Variants in FHIT observed in about 807,000 individuals in gnomAD.
The protein encoded by FHIT is bis(5'-adenosyl)-triphosphatase.
A neutral mutation model predicts 17.9 loss-of-function variants in FHIT; 19 were observed. The ratio of observed to expected loss-of-function variants is 1.06; its 90% confidence interval spans 0.74 to 1.56. FHIT has a LOEUF of 1.56. FHIT is among the 40% of genes most tolerant of loss of function. The probability of loss-of-function intolerance (pLI) is 0.00; values close to 1 mark genes in which losing one functional copy is unlikely to be tolerated. For missense variants in FHIT, 248 were observed against 189.2 expected (o/e 1.31, Z -1.82); for synonymous variants, 81 against 69.7 (o/e 1.16, Z -0.81).
intron 4 of FHIT, chr3:60,765,483 A>G (rs1699818802): frequency 6.6e-6 from 1 of 152,196 alleles, no homozygotes; most frequent in South Asian, 2.1e-4. Flanking sequence ...GGGTAAGGTT[A>G]GGGGGAAAGC....
chr3:60,765,621 G>C (rs1176309093), intron 4 of FHIT: 4 of 152,190 alleles, frequency 2.6e-5, no homozygotes, highest in Admixed American at 6.5e-5. Flanking sequence ...GGTTTACTTG[G>C]TGTGATGCTT....
intron 2 of FHIT, among the ~76,000 whole-genome samples, chr3:61,188,217 C>A (rs1378634888): frequency 6.6e-6 from 1 of 152,024 alleles, no homozygotes; most frequent in African/African-American, 2.4e-5. Context: ...AGAGAAGAAT[C>A]AAATAGATGC....
intron 1 of FHIT, among the ~76,000 whole-genome samples, chr3:61,247,854 C>T (rs1297879238): frequency 6.6e-6 from 1 of 152,176 alleles, no homozygotes; most frequent in East Asian, 1.9e-4. Flanking sequence ...AACACACTTT[C>T]TTCTTCATCA....
intron 8 of FHIT, among the ~76,000 whole-genome samples, chr3:59,797,845 A>G (rs765975380): frequency 6.6e-6 from 1 of 152,246 alleles, no homozygotes; most frequent in Non-Finnish European, 1.5e-5. Flanking sequence ...TAGCTTAAAT[A>G]GACATTTTTA....
intron 8 of FHIT, among the ~76,000 whole-genome samples, chr3:59,895,221 G>C (rs1704018408): frequency 1.3e-5 from 2 of 152,210 alleles, no homozygotes; most frequent in South Asian, 4.1e-4. Context: ...TCCTGGATTA[G>C]CACGGAACAC....
chr3:60,390,419 A>T (rs58609301), intron 5 of FHIT, among the ~76,000 whole-genome samples: 1 of 115,636 alleles, frequency 8.6e-6, no homozygotes, highest in Non-Finnish European at 1.8e-5. Flanking sequence ...AAAAAAAAAA[A>T]AAAAAAAAAC....
chr3:61,241,092 T>C (rs6763941), intron 1 of FHIT, among the ~76,000 whole-genome samples: 36,039 of 151,848 alleles, frequency 0.24, 6,373 homozygotes, highest in African/African-American at 0.5. Context: ...AAACAAAATA[T>C]TCCCCTCTCT....
intron 3 of FHIT, among the ~76,000 whole-genome samples, chr3:60,959,937 TACA>T (rs537445609): frequency 2.8e-4 from 42 of 151,972 alleles, no homozygotes; most frequent in African/African-American, 8.9e-4. Flanking sequence ...CTTTTGCAAT[TACA>T]ACAACAACAA....
chr3:60,716,821 A>G (rs1228207281), intron 4 of FHIT, among the ~76,000 whole-genome samples: 5 of 152,222 alleles, frequency 3.3e-5, no homozygotes, highest in Admixed American at 3.3e-4. Flanking sequence ...CTATGATATT[A>G]GCACACTACA....
At chr3:61,187,452 A>G (rs999870540) in intron 2 of FHIT, among the ~76,000 whole-genome samples, 1 of 152,196 alleles carries the variant, frequency 6.6e-6, no homozygotes, top group African/African-American at 2.4e-5. Flanking sequence ...AGACCTATAA[A>G]GAGATTTAGA....
chr3:60,382,107 A>G (rs1349977027), intron 5 of FHIT, among the ~76,000 whole-genome samples: 5 of 152,150 alleles, frequency 3.3e-5, no homozygotes, highest in African/African-American at 1.2e-4. Context: ...CTAACTTACC[A>G]CCTTGACCAG....
chr3:60,511,997 G>C (rs1406877909), intron 5 of FHIT, among the ~76,000 whole-genome samples: 4 of 151,992 alleles, frequency 2.6e-5, no homozygotes, highest in Non-Finnish European at 5.9e-5. Context: ...AAAAATTGAG[G>C]AGAGGTAAAG....
intron 5 of FHIT, among the ~76,000 whole-genome samples, chr3:60,267,005 A>G (rs1706609072): frequency 6.6e-6 from 1 of 152,116 alleles, no homozygotes; most frequent in Admixed American, 6.6e-5. Flanking sequence ...TCAATACTGT[A>G]CTAATATGAA....
In FHIT at chr3:60,013,932, A is replaced by G. The variant is rs1005309247; in HGVS notation, c.249+75T>C. 7.8e-6 allele frequency: 11 copies of G among 1,416,728 alleles called. No homozygotes were observed. The African/African-American group carries it at 1.4e-4, about 18-fold the overall frequency. 87.8% of individuals were successfully genotyped at this position (1,416,728 alleles called of 1,614,324 possible). The stretch of plus-strand genomic sequence containing the variant: ...CAATCACATCTGCCCTCCTGGTAAG[A>G]TATCAGGAGGAGCAAGCCCAATGCC... On this transcript the variant is annotated intron_variant, in intron 6 of 9. Coordinates refer to ENST00000492590, the MANE Select transcript of FHIT (RefSeq NM_002012.4).
chr3:60,187,841 T>C (rs925020410), intron 5 of FHIT, among the ~76,000 whole-genome samples: 2 of 152,194 alleles, frequency 1.3e-5, no homozygotes, highest in Non-Finnish European at 2.9e-5. Flanking sequence ...GCCTTACTGA[T>C]CATAGCTGGT....
intron 5 of FHIT, among the ~76,000 whole-genome samples, chr3:60,470,992 G>T (rs1172851599): frequency 6.6e-6 from 1 of 152,200 alleles, no homozygotes; most frequent in African/African-American, 2.4e-5. Flanking sequence ...CCAGCTCAGG[G>T]TATGTTTAGA....
At chr3:60,102,210 C>G (rs1036593798) in intron 5 of FHIT, among the ~76,000 whole-genome samples, 1 of 151,580 alleles carries the variant, frequency 6.6e-6, no homozygotes, top group Non-Finnish European at 1.5e-5. Context: ...TGAGAACTAA[C>G]AACATCTCAA....
intron 3 of FHIT, among the ~76,000 whole-genome samples, chr3:60,856,217 C>T (rs554389523): frequency 4.7e-4 from 72 of 151,990 alleles, no homozygotes; most frequent in African/African-American, 1.7e-3. Flanking sequence ...TGGGGTGAGC[C>T]CTGACATACG....
chr3:59,817,562 T>TAAAAAAAA (rs10691937), intron 8 of FHIT, among the ~76,000 whole-genome samples: 2 of 93,844 alleles, frequency 2.1e-5, no homozygotes, highest in Non-Finnish European at 4.0e-5. Context: ...CACCCGTCAC[T>TAAAAAAAA]AAAAAAAAAA....
Sources: allele counts gnomAD v4.1 joint callset (sites outside exome capture counted in the v4.1 genomes callset), GRCh38; gene constraint gnomAD v4.1.1; transcripts MANE v1.5; gene names NCBI Gene and HGNC (gene_info 2026-07-23, HGNC 2026-07-21).